The following RBPMS2 variants were observed in gnomAD, a reference collection of about 807,000 sequenced individuals.
RBPMS2 encodes RNA binding protein, mRNA processing factor 2, also known as RNA-binding protein with multiple splicing 2.
RBPMS2 carries 14 observed loss-of-function variants against 25.7 expected under a neutral mutation model. That is an observed-to-expected ratio of 0.55 (90% CI 0.36 to 0.85). RBPMS2 has a LOEUF of 0.85. Among genes scored for constraint, RBPMS2 ranks in the 40% least tolerant of loss-of-function variants. RBPMS2 has a pLI of 0.01. For synonymous variants in RBPMS2, 127 were observed against 115.6 expected, an observed-to-expected ratio of 1.10 and a Z score of -0.63; for missense variants, 252 against 283.4, an observed-to-expected ratio of 0.89 and a Z score of 0.80.
At chr15:64,753,549 G>C (rs570298983) in intron 1 of RBPMS2, among the ~76,000 whole-genome samples, 1 of 152,278 alleles carries the variant, frequency 6.6e-6, no homozygotes, top group South Asian at 2.1e-4. Flanking sequence ...TCCCACCCAC[G>C]CAAGAATGAC....
At chr15:64,762,064 C>A (rs1381528088) in intron 1 of RBPMS2, among the ~76,000 whole-genome samples, 1 of 152,228 alleles carries the variant, frequency 6.6e-6, no homozygotes, top group East Asian at 1.9e-4. Context: ...GTTGCCCAAG[C>A]TCATCTCGAA....
chr15:64,762,451 T>C (rs369214477), intron 1 of RBPMS2: 58 of 534,650 alleles, frequency 1.1e-4, no homozygotes, highest in Non-Finnish European at 2.1e-4. Context: ...GCTTTCCTGT[T>C]ATAAAGACAC....
At chr15:64,756,713 C>T (rs7180635) in intron 1 of RBPMS2, among the ~76,000 whole-genome samples, 111,321 of 149,076 alleles carry the variant, frequency 0.75, 45,026 homozygotes, top group East Asian at 0.96. Context: ...ACAAACTCTG[C>T]TCACTGCAAC....
intron 6 of RBPMS2, among the ~76,000 whole-genome samples, chr15:64,744,772 A>G (rs1449941503): frequency 3.0e-5 from 4 of 131,266 alleles, no homozygotes; most frequent in African/African-American, 1.1e-4. Context: ...TTAAGTCCTA[A>G]TATTTAAGTT....
chr15:64,764,258 T>C (rs755729021), intron 1 of RBPMS2, among the ~76,000 whole-genome samples: 14 of 152,162 alleles, frequency 9.2e-5, no homozygotes, highest in Non-Finnish European at 1.5e-4. Flanking sequence ...AGGGTTGCAG[T>C]TGCCGCCACT....
At chr15:64,757,294 AAACACC>A (rs1473886413) in intron 1 of RBPMS2, among the ~76,000 whole-genome samples, 1 of 152,046 alleles carries the variant, frequency 6.6e-6, no homozygotes, top group East Asian at 1.9e-4. Flanking sequence ...TTCACAACAC[AAACACC>A]ATCTACCTCC....
chr15:64,771,502 G>C, intron 1 of RBPMS2, among the ~76,000 whole-genome samples: 1 of 152,142 alleles, frequency 6.6e-6, no homozygotes, highest in Admixed American at 6.5e-5. Context: ...GGCCAACATG[G>C]TGAAACCCCG....
rs1471485060 is a variant in RBPMS2 at position 64,765,251 on chromosome 15, A to G, written c.87+9982T>C. Among the ~76,000 whole-genome samples the G allele has an allele frequency of 2.5e-5, 3 of 119,806 alleles. No individual in the cohort carries two copies. In the East Asian group the frequency reaches 7.8e-4, roughly 31 times the overall value. 78.6% of individuals were successfully genotyped at this position (119,806 alleles called of 152,430 possible). A position where few individuals can be genotyped will look rare whatever the true frequency, so the allele number is the denominator to read the frequency against. On this transcript the variant is annotated intron_variant, in intron 1 of 7. Coordinates refer to ENST00000300069, the MANE Select transcript of RBPMS2 (RefSeq NM_194272.3). ...CAAAAAAAAAAAAAAAAAAAAAAAA[A>G]GCAAAAAACAAAAATTAGCCCGGCG...
At chr15:64,756,626 T>C (rs1039567929) in intron 1 of RBPMS2, among the ~76,000 whole-genome samples, 8 of 151,630 alleles carry the variant, frequency 5.3e-5, no homozygotes, top group Admixed American at 3.3e-4. Flanking sequence ...CTCAGTTTCT[T>C]ATTTTTATTT....
At chr15:64,755,338 C>T (rs746822861) in intron 1 of RBPMS2, among the ~76,000 whole-genome samples, 18 of 152,246 alleles carry the variant, frequency 1.2e-4, no homozygotes, top group Non-Finnish European at 2.6e-4. Context: ...CTGGTGGGCC[C>T]GTCTGCCTGA....
rs4777576 is a variant in RBPMS2, at chr15:64,761,370, G to T, written c.88-9732C>A. Among the ~76,000 whole-genome samples the T allele has an allele frequency of 6.3e-4, 96 of 152,326 alleles. 1 individual carries two copies. The highest frequency in any genetic ancestry group is 1.5e-3 in the Admixed American group (23 of 15,296). On this transcript the variant is annotated intron_variant, in intron 1 of 7. Coordinates refer to ENST00000300069, the MANE Select transcript of RBPMS2 (RefSeq NM_194272.3). ...AGCTGGAAGAAACCTTATTTTTAGA[G>T]GAGGAAACCAGGGCCTAGGGGTCGA...
chr15:64,742,183 AAAAAC>A (rs2083569288), intron 6 of RBPMS2, among the ~76,000 whole-genome samples: 4 of 152,206 alleles, frequency 2.6e-5, no homozygotes, highest in Admixed American at 2.6e-4. Context: ...AACAAAAACA[AAAAAC>A]AAAACAAAAC....
At chr15:64,769,696 G>T (rs1299538644) in intron 1 of RBPMS2, among the ~76,000 whole-genome samples, 1 of 151,964 alleles carries the variant, frequency 6.6e-6, no homozygotes, top group Admixed American at 6.6e-5. Context: ...AATAAAACTG[G>T]CTTGGTTTGT....
chr15:64,753,836 T>C (rs1334683739), intron 1 of RBPMS2, among the ~76,000 whole-genome samples: 1 of 152,052 alleles, frequency 6.6e-6, no homozygotes, highest in African/African-American at 2.4e-5. Flanking sequence ...GTTGGCAGCA[T>C]CTGGGGGTCT....
intron 6 of RBPMS2, among the ~76,000 whole-genome samples, chr15:64,743,694 G>A (rs767902887): frequency 4.6e-5 from 7 of 152,176 alleles, no homozygotes; most frequent in African/African-American, 7.2e-5. Flanking sequence ...ACCAGGTTCC[G>A]AGAGGGCTGC....
intron 1 of RBPMS2, among the ~76,000 whole-genome samples, chr15:64,757,708 AGGCCAGTACAGGG>A (rs754107613): frequency 1.3e-5 from 2 of 152,178 alleles, no homozygotes; most frequent in Non-Finnish European, 2.9e-5. Context: ...CTTGTGTCTC[AGGCCAGTACAGGG>A]GACCATTGTG....
chr15:64,758,819 C>T (rs1480710332), intron 1 of RBPMS2, among the ~76,000 whole-genome samples: 1 of 152,138 alleles, frequency 6.6e-6, no homozygotes, highest in Non-Finnish European at 1.5e-5. Flanking sequence ...TCTTTGCTGC[C>T]AATTGTTTAT....
In RBPMS2 at chr15:64,741,628, G is replaced by A. The variant is rs77047730; in HGVS notation, c.568-386C>T. On this transcript the variant is annotated intron_variant, in intron 6 of 7. Coordinates refer to ENST00000300069, the MANE Select transcript of RBPMS2 (RefSeq NM_194272.3). ...TTCTGTGGAGGAGGAGGAAAAGAATGAGCCTCATACATTTTTGTTTGACTT... is the reference window on the plus strand; with the variant it reads ...TTCTGTGGAGGAGGAGGAAAAGAATAAGCCTCATACATTTTTGTTTGACTT... Among the ~76,000 whole-genome samples, 805 of 152,346 alleles carry A rather than the reference G, an allele frequency of 5.3e-3. 6 individuals are homozygous for A. The highest frequency in any genetic ancestry group is 8.9e-3 in the Non-Finnish European group (607 of 68,036).
intron 2 of RBPMS2, among the ~76,000 whole-genome samples, chr15:64,750,921 C>A (rs2083671808): frequency 6.6e-6 from 1 of 151,892 alleles, no homozygotes; most frequent in Admixed American, 6.6e-5. Flanking sequence ...GCCTGTAGTC[C>A]CAGCTACTCG....
Sources: gnomAD v4.1 joint callset for allele counts (sites outside exome capture counted in the v4.1 genomes callset) on GRCh38, gnomAD v4.1.1 for gene constraint, MANE v1.5 for transcripts, NCBI Gene and HGNC (gene_info 2026-07-23, HGNC 2026-07-21) for gene names.